SNX8: variants seen among roughly 807,000 people sequenced by gnomAD.
SNX8 encodes sorting nexin-8.
In SNX8, 25 loss-of-function variants were observed where a neutral mutation model predicts 51.6. That is an observed-to-expected ratio of 0.48 (90% confidence interval 0.35 to 0.68). The LOEUF (loss-of-function observed/expected upper bound fraction) is 0.68. Among genes scored for constraint, SNX8 ranks in the 30% least tolerant of loss-of-function variants. The pLI is 0.00. For synonymous variants in SNX8, 324 were observed against 277.0 expected (o/e 1.17, Z -1.68); for missense variants, 695 against 624.0 (o/e 1.11, Z -1.21).
At chr7:2,286,492 G>A (rs914413812) in intron 1 of SNX8, among the ~76,000 whole-genome samples, 1 of 151,248 alleles carries the variant, frequency 6.6e-6, no homozygotes, top group African/African-American at 2.4e-5. Context: ...TGTGCATAAA[G>A]CTGTAATGTG....
At chr7:2,344,931 A>G (rs997785138) in intron 1 of SNX8, among the ~76,000 whole-genome samples, 2 of 152,196 alleles carry the variant, frequency 1.3e-5, no homozygotes, top group Non-Finnish European at 2.9e-5. Flanking sequence ...TACATCAGAG[A>G]AATGCAAATT....
chr7:2,329,499 T>C (rs1778690385), intron 1 of SNX8, among the ~76,000 whole-genome samples: 1 of 152,046 alleles, frequency 6.6e-6, no homozygotes, highest in Non-Finnish European at 1.5e-5. Flanking sequence ...CTACAGTGTT[T>C]TGTGATGATG....
At position 2,252,183 on chromosome 7, in the gene SNX8, G is replaced by A. The variant is rs921407222; in HGVS notation, c.*2873C>T. Reference sequence around the variant, plus strand: ...CCCCGCCAGCCGTCCTCACAGGGCAGGCGGCATCTGGCATCTCCACCAGCA... The same window carrying A: ...CCCCGCCAGCCGTCCTCACAGGGCAAGCGGCATCTGGCATCTCCACCAGCA... On this transcript the variant is annotated 3_prime_UTR_variant, in exon 11 of 11. Transcript: ENST00000222990. The A allele has an allele frequency of 6.6e-6, 1 of 152,018 alleles. No homozygotes were observed. Among genetic ancestry groups the A allele is most frequent in the Non-Finnish European group, 1.5e-5 (1 of 68,094 alleles). The allele number at this position is 152,018 out of a possible 1,614,324, so 9.4% of individuals were successfully genotyped here.
At chr7:2,325,150 A>AT (rs1370978023) in intron 1 of SNX8, among the ~76,000 whole-genome samples, 2 of 152,010 alleles carry the variant, frequency 1.3e-5, no homozygotes, top group South Asian at 2.1e-4. Context: ...TTATAAAAAA[A>AT]TTTTTTTAGA....
At position 2,255,158 on chromosome 7, in the gene SNX8, C is replaced by T. The variant is rs1455377023; in HGVS notation, c.1296G>A (p.Val432=). Reference sequence around the variant, plus strand: ...TGAGCTTGGGCCTCAGGTCGTTCCACACCTTGCTCATCTGAAAGGGAAGCG... The same window carrying T: ...TGAGCTTGGGCCTCAGGTCGTTCCATACCTTGCTCATCTGAAAGGGAAGCG... ...QIQGHKEMSK[V]WNDLRPKLSC... Residue 432 remains valine (V), a synonymous_variant, in exon 11 of 11, where the codon GTG becomes GTA. Transcript: ENST00000222990. The T allele has an allele frequency of 3.2e-6, 5 of 1,548,684 alleles. No individual in the cohort carries two copies. The highest frequency in any genetic ancestry group is 1.4e-5 in the African/African-American group (1 of 73,182).
intron 1 of SNX8, among the ~76,000 whole-genome samples, chr7:2,289,704 GAA>G (rs1367968537): frequency 6.6e-6 from 1 of 152,154 alleles, no homozygotes; most frequent in Non-Finnish European, 1.5e-5. Context: ...AGTTTCGGAA[GAA>G]AAGTCTCATT....
At chr7:2,272,893 G>C (rs772977577) in intron 3 of SNX8, among the ~76,000 whole-genome samples, 7 of 151,900 alleles carry the variant, frequency 4.6e-5, no homozygotes, top group African/African-American at 7.2e-5. Context: ...GAGTGCAGTG[G>C]TGTCATCTCG....
chr7:2,337,446 C>CACAAA (rs3075409), intron 1 of SNX8, among the ~76,000 whole-genome samples: 76,150 of 150,748 alleles, frequency 0.51, 19,449 homozygotes, highest in East Asian at 0.76. Flanking sequence ...AAGACCCTGT[C>CACAAA]ACAAAACAAA....
At chr7:2,336,307 A>G (rs935988633) in intron 1 of SNX8, among the ~76,000 whole-genome samples, 2 of 152,044 alleles carry the variant, frequency 1.3e-5, no homozygotes, top group African/African-American at 2.4e-5. Context: ...AGGCTGAGGC[A>G]GGAGAATCGC....
chr7:2,269,523 T>TAAAAAAAAAAAAAAAGA, intron 5 of SNX8, 36 bp downstream of exon 5: 1 of 893,732 alleles, frequency 1.1e-6, no homozygotes. Flanking sequence ...AAAAATAAAT[T>TAAAAAAAAAAAAAAAGA]AAAAAAAAAA....
chr7:2,264,603 C>G, intron 5 of SNX8, 145 bp from the exon 6 acceptor site: 1 of 649,918 alleles, frequency 1.5e-6, no homozygotes, highest in Non-Finnish European at 2.6e-6. Flanking sequence ...TCCAGGCCTG[C>G]AGGGATCACT....
chr7:2,337,553 A>G (rs546212766), intron 1 of SNX8, among the ~76,000 whole-genome samples: 1 of 152,336 alleles, frequency 6.6e-6, no homozygotes, highest in Admixed American at 6.6e-5. Context: ...GGAAATGTAA[A>G]ATAATCCATA....
chr7:2,342,937 C>T (rs1778959713), intron 1 of SNX8, among the ~76,000 whole-genome samples: 1 of 151,856 alleles, frequency 6.6e-6, no homozygotes, highest in Admixed American at 6.6e-5. Context: ...ATTCTCCTGC[C>T]TCAGGCGCCC....
chr7:2,266,175 T>G (rs1385403746), intron 5 of SNX8, among the ~76,000 whole-genome samples: 2 of 151,984 alleles, frequency 1.3e-5, no homozygotes, highest in African/African-American at 4.8e-5. Flanking sequence ...TTTTTTCTGG[T>G]TTTTTTGTTG....
At position 2,272,310 on chromosome 7, in the gene SNX8, G is replaced by A. The variant is rs372956265; in HGVS notation, c.419-339C>T. On this transcript the variant is annotated intron_variant, in intron 3 of 10. Coordinates refer to ENST00000222990, the MANE Select transcript of SNX8 (RefSeq NM_013321.4). ...AGACATCTTCCATAATCCCCTCCTG[G>A]CACTTCTCACTGCAAACAAATGGGT... 5.3e-5 allele frequency among the ~76,000 whole-genome samples: 8 copies of A among 151,924 alleles called. No individual in the cohort carries two copies. The South Asian group carries it at 6.2e-4, about 12-fold the overall frequency.
At chr7:2,350,682 TG>T (rs1484155224) in intron 1 of SNX8, among the ~76,000 whole-genome samples, 4 of 152,090 alleles carry the variant, frequency 2.6e-5, no homozygotes, top group Non-Finnish European at 5.9e-5. Flanking sequence ...AGTCTCACTC[TG>T]TCATTTAGGT....
At chr7:2,295,427 A>C (rs1267283587) in intron 1 of SNX8, among the ~76,000 whole-genome samples, 1 of 148,054 alleles carries the variant, frequency 6.8e-6, no homozygotes, top group Admixed American at 6.8e-5. Flanking sequence ...AAAAGAGGCC[A>C]GGCACGGAGG....
At chr7:2,264,190 G>C in intron 6 of SNX8, 108 bp downstream of exon 6, 2 of 1,096,510 alleles carry the variant, frequency 1.8e-6, no homozygotes, top group South Asian at 1.6e-5. Context: ...GATGAAACAG[G>C]TCAGGATGCT....
intron 1 of SNX8, among the ~76,000 whole-genome samples, chr7:2,340,067 T>A (rs956750806): frequency 5.7e-5 from 8 of 141,224 alleles, no homozygotes; most frequent in African/African-American, 2.0e-4. Context: ...CTACAAAACT[T>A]TTTTTTTTTT....
Sources: gnomAD v4.1 joint callset for allele counts (sites outside exome capture counted in the v4.1 genomes callset) on GRCh38, gnomAD v4.1.1 for gene constraint, MANE v1.5 for transcripts, NCBI Gene and HGNC (gene_info 2026-07-23, HGNC 2026-07-21) for gene names.